ABCB1: variants seen among roughly 807,000 people sequenced by gnomAD.
ABCB1 encodes ATP binding cassette subfamily B member 1.
In ABCB1, 69 loss-of-function variants were observed where a neutral mutation model predicts 142.0. The ratio of observed to expected loss-of-function variants is 0.49; its 90% CI spans 0.40 to 0.59. The LOEUF is 0.59. Ranked by LOEUF, ABCB1 falls within the 20% of genes least tolerant of loss-of-function variation. ABCB1 has a pLI of 0.00. For missense variants in ABCB1, 1,326 were observed against 1,554.7 expected (o/e 0.85, Z 2.47); for synonymous variants, 532 against 539.2 (o/e 0.99, Z 0.18).
chr7:87,660,695 T>C (rs1329739419), intron 1 of ABCB1, among the ~76,000 whole-genome samples: 1 of 151,984 alleles, frequency 6.6e-6, no homozygotes, highest in Non-Finnish European at 1.5e-5. Context: ...GTTGGACTCT[T>C]AGCAGATTAA....
chr7:87,674,749 G>T (rs779069754), intron 1 of ABCB1, among the ~76,000 whole-genome samples: 2 of 152,138 alleles, frequency 1.3e-5, no homozygotes, highest in Non-Finnish European at 2.9e-5. Context: ...ATCTGAGGCC[G>T]CATTGCAAGT....
chr7:87,524,428 G>A (rs1259652053), intron 21 of ABCB1, among the ~76,000 whole-genome samples: 1 of 152,116 alleles, frequency 6.6e-6, no homozygotes, highest in African/African-American at 2.4e-5. Context: ...AATTCCCAAA[G>A]ACAATCCTTT....
rs147260009 is a variant in ABCB1, at chr7:87,702,314, T to TG, written c.-331+10846dup. Among the ~76,000 whole-genome samples, 362 of 152,148 alleles carry TG rather than the reference T, an allele frequency of 2.4e-3. 2 individuals are homozygous for TG. Among genetic ancestry groups the TG allele is most frequent in the African/African-American group, 8.3e-3 (343 of 41,462 alleles). On this transcript the variant is annotated intron_variant, in intron 1 of 28. Transcript: ENST00000265724. The stretch of plus-strand genomic sequence containing the variant: ...ATTTTTTAGGGACAGGGTCTTGCTC[T>TG]GTTGCCCAGGTTGGAGTACAGTGGT...
At chr7:87,614,276 A>G (rs902334686) in intron 1 of ABCB1, among the ~76,000 whole-genome samples, 11 of 152,146 alleles carry the variant, frequency 7.2e-5, no homozygotes, top group African/African-American at 2.7e-4. Context: ...ATGCACCTGT[A>G]TTCTTAGCTA....
intron 1 of ABCB1, among the ~76,000 whole-genome samples, chr7:87,639,388 T>C (rs1186547916): frequency 6.6e-6 from 1 of 152,148 alleles, no homozygotes; most frequent in Non-Finnish European, 1.5e-5. Context: ...GATTGCATGA[T>C]TTATATATGT....
chr7:87,687,228 T>C (rs1827556707), intron 1 of ABCB1, among the ~76,000 whole-genome samples: 1 of 152,168 alleles, frequency 6.6e-6, no homozygotes, highest in South Asian at 2.1e-4. Context: ...ATCAGTCTTT[T>C]GATTTTTCTT....
At chr7:87,683,715 T>C (rs1382582253) in intron 1 of ABCB1, among the ~76,000 whole-genome samples, 1 of 152,048 alleles carries the variant, frequency 6.6e-6, no homozygotes, top group African/African-American at 2.4e-5. Flanking sequence ...ACAATAATAA[T>C]GAAAAAGTTT....
chr7:87,574,643 A>G (rs1818200040), intron 4 of ABCB1, among the ~76,000 whole-genome samples: 1 of 152,084 alleles, frequency 6.6e-6, no homozygotes, highest in Non-Finnish European at 1.5e-5. Context: ...GGCTTTATCC[A>G]TTCTGCTTTC....
intron 1 of ABCB1, among the ~76,000 whole-genome samples, chr7:87,647,025 A>T (rs979174418): frequency 3.9e-4 from 60 of 152,202 alleles, no homozygotes; most frequent in Non-Finnish European, 7.2e-4. Context: ...AATCTATCTC[A>T]GCATTCCTCA....
intron 2 of ABCB1, 111 bp from the exon 3 acceptor site, chr7:87,595,925 CTATATTA>C (rs1563068614): frequency 1.3e-6 from 1 of 788,824 alleles, no homozygotes; most frequent in Non-Finnish European, 2.1e-6. Flanking sequence ...AGAAATATGT[CTATATTA>C]TACAGTTAAA....
chr7:87,693,258 CAG>C (rs1398546637), intron 1 of ABCB1, among the ~76,000 whole-genome samples: 1 of 152,030 alleles, frequency 6.6e-6, no homozygotes, highest in Non-Finnish European at 1.5e-5. Flanking sequence ...ACAAATAAAA[CAG>C]TGTTTTTGAT....
intron 1 of ABCB1, among the ~76,000 whole-genome samples, chr7:87,637,621 TA>T (rs1359704285): frequency 2.0e-5 from 3 of 152,078 alleles, no homozygotes; most frequent in African/African-American, 7.2e-5. Context: ...CATATATAGA[TA>T]TTTTAAATCT....
chr7:87,661,991 A>T (rs1057396956), intron 1 of ABCB1, among the ~76,000 whole-genome samples: 3 of 152,048 alleles, frequency 2.0e-5, no homozygotes, highest in African/African-American at 7.2e-5. Context: ...ATTTGCATTT[A>T]TCTGATGATC....
At chr7:87,551,002 T>C (rs989846176) in intron 9 of ABCB1, among the ~76,000 whole-genome samples, 164 bp from the exon 10 acceptor site, 3 of 152,132 alleles carry the variant, frequency 2.0e-5, no homozygotes, top group Admixed American at 2.0e-4. Flanking sequence ...TAACTAACAG[T>C]ACATTTAATT....
At chr7:87,530,853 G>GAAAGAAAGAAAGAAAA (rs1816017251) in intron 21 of ABCB1, among the ~76,000 whole-genome samples, 1 of 106,084 alleles carries the variant, frequency 9.4e-6, no homozygotes, top group Non-Finnish European at 1.9e-5. Context: ...AAGAAAGAAA[G>GAAAGAAAGAAAGAAAA]AAAGAAAGAA....
At chr7:87,559,894 TTC>T (rs1817483071) in intron 8 of ABCB1, among the ~76,000 whole-genome samples, 1 of 152,208 alleles carries the variant, frequency 6.6e-6, no homozygotes, top group African/African-American at 2.4e-5. Context: ...CATATTATTT[TTC>T]TGGTCCACCT....
intron 1 of ABCB1, chr7:87,709,372 G>A (rs1463294731): frequency 1.0e-6 from 1 of 985,214 alleles, no homozygotes; most frequent in African/African-American, 1.7e-5. Context: ...AGAATTTTGA[G>A]ACTACTGGCC....
At chr7:87,578,950 C>T (rs1818390695) in intron 4 of ABCB1, among the ~76,000 whole-genome samples, 2 of 152,234 alleles carry the variant, frequency 1.3e-5, no homozygotes, top group South Asian at 4.1e-4. Context: ...GCCTCGGCCT[C>T]CCAAAGTGCT....
At chr7:87,562,910 G>A (rs557461559) in intron 7 of ABCB1, among the ~76,000 whole-genome samples, 25 of 152,066 alleles carry the variant, frequency 1.6e-4, no homozygotes, top group Non-Finnish European at 3.7e-4. Context: ...ACCAGCCTGG[G>A]CAACACATAG....
Sources: allele counts gnomAD v4.1 joint callset (sites outside exome capture counted in the v4.1 genomes callset), GRCh38; gene constraint gnomAD v4.1.1; transcripts MANE v1.5; gene names NCBI Gene and HGNC (gene_info 2026-07-23, HGNC 2026-07-21).